Variants in TMEM30A observed in about 807,000 individuals in gnomAD.
TMEM30A encodes cell cycle control protein 50A.
A neutral mutation model predicts 38.2 loss-of-function variants in TMEM30A; 24 were observed. The observed-to-expected ratio is 0.63, with a 90% CI of 0.46 to 0.88. The LOEUF (loss-of-function observed/expected upper bound fraction) is 0.88, where lower values mean the gene tolerates loss of function less well. Among genes scored for constraint, TMEM30A ranks in the 40% least tolerant of loss-of-function variants. The pLI is 0.00. For synonymous variants in TMEM30A, 145 were observed against 161.6 expected, an observed-to-expected ratio of 0.90 and a Z score of 0.78; for missense variants, 370 against 458.6, an observed-to-expected ratio of 0.81 and a Z score of 1.77.
intron 1 of TMEM30A, chr6:75,284,109 A>C: frequency 2.4e-6 from 1 of 419,836 alleles, no homozygotes; most frequent in Non-Finnish European, 4.4e-6. Flanking sequence ...CGCCCACTGA[A>C]GAAGCGTTCT....
In TMEM30A at chr6:75,271,518, C is replaced by G. The variant is rs529605436; in HGVS notation, c.238-3770G>C. ...AAATCATTATCATTAATATATTAAG[C>G]CTATGTGTAAGGCATGACATTAGAT... On this transcript the variant is annotated intron_variant, in intron 1 of 6. Transcript: ENST00000230461. 2.6e-5 allele frequency among the ~76,000 whole-genome samples: 4 copies of G among 152,164 alleles called. No individual in the cohort carries two copies. In the South Asian group the frequency reaches 8.3e-4, roughly 32 times the overall value.
chr6:75,267,506 C>T, intron 2 of TMEM30A, 135 bp downstream of exon 2: 2 of 538,172 alleles, frequency 3.7e-6, no homozygotes, highest in South Asian at 7.4e-5. Context: ...AAACGATCTT[C>T]CTCAAAAGCC....
intron 1 of TMEM30A, 39 bp downstream of exon 1, chr6:75,284,363 C>A (rs560831671): frequency 1.9e-6 from 3 of 1,595,692 alleles, no homozygotes; most frequent in South Asian, 2.2e-5. Flanking sequence ...ACCCTCCTCC[C>A]GAGCAACGCC....
At position 75,284,767 on chromosome 6, in the gene TMEM30A, G is replaced by C; in HGVS notation, c.-129C>G. ...CGCAGCCACCAGCGCCACCGCCACA[G>C]CCACCTCCGCTGTAGAGCGGAAGAG... On this transcript the variant is annotated 5_prime_UTR_variant, in exon 1 of 7. Coordinates refer to ENST00000230461, the MANE Select transcript of TMEM30A (RefSeq NM_018247.4). 1 of 843,346 alleles carries C rather than the reference G, an allele frequency of 1.2e-6. No individual in the cohort carries two copies. The highest frequency in any genetic ancestry group is 2.0e-6 in the Non-Finnish European group (1 of 508,990). 52.2% of individuals were successfully genotyped at this position (843,346 alleles called of 1,614,324 possible). A position where few individuals can be genotyped will look rare whatever the true frequency, so the allele number is the denominator to read the frequency against.
At chr6:75,275,850 G>A (rs1180301856) in intron 1 of TMEM30A, among the ~76,000 whole-genome samples, 1 of 152,154 alleles carries the variant, frequency 6.6e-6, no homozygotes, top group East Asian at 1.9e-4. Flanking sequence ...CAGTCTCTGA[G>A]TGATGAGTGT....
chr6:75,268,875 G>T lies in TMEM30A; in HGVS notation c.238-1127C>A, dbSNP rs181061106. On this transcript the variant is annotated intron_variant, in intron 1 of 6. Coordinates refer to ENST00000230461, the MANE Select transcript of TMEM30A (RefSeq NM_018247.4). ...TGGGGACCATGCCCTTGAACCTGTG[G>T]AGTCTGACACTATTTCAGGATGGTT... Among the ~76,000 whole-genome samples, 384 of 152,300 alleles carry T rather than the reference G, an allele frequency of 2.5e-3. 1 individual carries two copies. Among genetic ancestry groups the T allele is most frequent in the Admixed American group, 3.9e-3 (59 of 15,300 alleles).
Position 75,254,707 on chromosome 6 carries a change from C to G in TMEM30A, c.*1395G>C, listed in dbSNP as rs1187086502. 2 of 152,318 alleles carry G rather than the reference C, an allele frequency of 1.3e-5. No individual in the cohort carries two copies. Among genetic ancestry groups the G allele is most frequent in the East Asian group, 3.9e-4 (2 of 5,192 alleles). 9.4% of individuals were successfully genotyped at this position (152,318 alleles called of 1,614,324 possible). The stretch of plus-strand genomic sequence containing the variant: ...CTCTGAGTAAACAGGCATTCTTCTA[C>G]ACAAACATGAGTTATTTCAGTAAAA... On this transcript the variant is annotated 3_prime_UTR_variant, in exon 7 of 7. Transcript: ENST00000230461.
At position 75,266,748 on chromosome 6, in the gene TMEM30A, C is replaced by T. The variant is rs550402411; in HGVS notation, c.345+893G>A. 2.6e-5 allele frequency among the ~76,000 whole-genome samples: 4 copies of T among 152,322 alleles called. No individual in the cohort carries two copies. The South Asian group carries it at 8.3e-4, about 32-fold the overall frequency. ...GTATCTTTATTGTCTGCCCATCACA[C>T]TGAAAAATCATGGACTTGTAAAGAT... is the stretch of plus-strand genomic sequence containing the variant. On this transcript the variant is annotated intron_variant, in intron 2 of 6. Transcript: ENST00000230461.
In TMEM30A at chr6:75,277,839, T is replaced by C. The variant is rs1582286284; in HGVS notation, c.237+6563A>G. ...AAGGGTTGCTTGAGCCTAGGAGTTT[T>C]GAGTTTGCAGTGCGCTACGACTGTA... On this transcript the variant is annotated intron_variant, in intron 1 of 6. Coordinates refer to ENST00000230461, the MANE Select transcript of TMEM30A (RefSeq NM_018247.4). Among the ~76,000 whole-genome samples the C allele has an allele frequency of 3.3e-5, 5 of 152,256 alleles. No individual in the cohort carries two copies. In the South Asian group the frequency reaches 1.0e-3, roughly 32 times the overall value.
chr6:75,276,919 C>G (rs1772270229), intron 1 of TMEM30A, among the ~76,000 whole-genome samples: 1 of 152,114 alleles, frequency 6.6e-6, no homozygotes, highest in Non-Finnish European at 1.5e-5. Context: ...GACCTATGCT[C>G]TTACTATTTC....
intron 3 of TMEM30A, 117 bp downstream of exon 3, chr6:75,265,114 C>T: frequency 3.1e-6 from 2 of 635,394 alleles, no homozygotes; most frequent in Non-Finnish European, 4.9e-6. Flanking sequence ...AAAAAATCCT[C>T]ACTATACAAA....
chr6:75,276,409 C>A (rs763223312), intron 1 of TMEM30A, among the ~76,000 whole-genome samples: 4 of 152,208 alleles, frequency 2.6e-5, no homozygotes, highest in Non-Finnish European at 5.9e-5. Flanking sequence ...AAGTGAGAGG[C>A]AGTCTTGTGG....
At chr6:75,259,159 A>T (rs2354390) in intron 5 of TMEM30A, among the ~76,000 whole-genome samples, 173 bp from the exon 6 acceptor site, 2 of 152,252 alleles carry the variant, frequency 1.3e-5, no homozygotes. Flanking sequence ...AACTGAATTC[A>T]TAATTAAAAG....
intron 1 of TMEM30A, among the ~76,000 whole-genome samples, chr6:75,276,815 C>T (rs1003899518): frequency 1.3e-5 from 2 of 152,100 alleles, no homozygotes; most frequent in East Asian, 3.9e-4. Context: ...TAATACTTCC[C>T]AATACCCTCA....
intron 6 of TMEM30A, chr6:75,256,864 G>C (rs528927407): frequency 2.1e-5 from 9 of 433,840 alleles, no homozygotes; most frequent in Admixed American, 5.1e-5. Flanking sequence ...GGCAGTGAAG[G>C]GTGGGCTGTT....
At chr6:75,282,850 C>A (rs986683466) in intron 1 of TMEM30A, among the ~76,000 whole-genome samples, 1 of 152,086 alleles carries the variant, frequency 6.6e-6, no homozygotes, top group African/African-American at 2.4e-5. Context: ...GGAAATTTTC[C>A]AAGAAACTGA....
intron 1 of TMEM30A, among the ~76,000 whole-genome samples, chr6:75,277,160 G>C (rs1562398628): frequency 6.6e-6 from 1 of 152,076 alleles, no homozygotes; most frequent in Admixed American, 6.6e-5. Context: ...TTGGCAATAA[G>C]CACGGACCCT....
chr6:75,279,335 A>T (rs145353453), intron 1 of TMEM30A, among the ~76,000 whole-genome samples: 1 of 152,230 alleles, frequency 6.6e-6, no homozygotes, highest in East Asian at 1.9e-4. Flanking sequence ...TAATGTCCAG[A>T]CCTTAATAAA....
At chr6:75,273,628 C>T (rs1219309324) in intron 1 of TMEM30A, among the ~76,000 whole-genome samples, 1 of 152,070 alleles carries the variant, frequency 6.6e-6, no homozygotes, top group Non-Finnish European at 1.5e-5. Context: ...GGGCTTGGAA[C>T]ATGATATAGT....
Sources: allele counts gnomAD v4.1 joint callset (sites outside exome capture counted in the v4.1 genomes callset), GRCh38; gene constraint gnomAD v4.1.1; transcripts MANE v1.5; gene names NCBI Gene and HGNC (gene_info 2026-07-23, HGNC 2026-07-21).